TMPRSS4: variants seen among roughly 807,000 people sequenced by gnomAD.
TMPRSS4 encodes the protein transmembrane protease serine 4.
In TMPRSS4, 45 loss-of-function variants were observed where a neutral mutation model predicts 56.4. That is an observed-to-expected ratio of 0.80 (90% CI 0.63 to 1.02). TMPRSS4 has a LOEUF of 1.02. Among genes scored for constraint, TMPRSS4 ranks in the 50% least tolerant of loss-of-function variants. TMPRSS4 has a pLI of 0.00. For missense variants in TMPRSS4, 546 were observed against 556.7 expected, an observed-to-expected ratio of 0.98 and a Z score of 0.19; for synonymous variants, 205 against 211.0, an observed-to-expected ratio of 0.97 and a Z score of 0.25.
At chr11:118,092,469 G>A (rs1469439784) in intron 1 of TMPRSS4, among the ~76,000 whole-genome samples, 1 of 152,216 alleles carries the variant, frequency 6.6e-6, no homozygotes, top group East Asian at 1.9e-4. Context: ...CTGGGCGGGG[G>A]CCGCCAGATC....
chr11:118,095,052 T>C (rs1405957564), intron 2 of TMPRSS4, 197 bp downstream of exon 2: 1 of 623,410 alleles, frequency 1.6e-6, no homozygotes, highest in Admixed American at 2.7e-5. Flanking sequence ...GCCTGGACTC[T>C]GGGGAAACAG....
At position 118,119,120 on chromosome 11, in the gene TMPRSS4, A is replaced by T. The variant is rs10892220; in HGVS notation, c.*1207A>T. On this transcript the variant is annotated 3_prime_UTR_variant, in exon 13 of 13. Coordinates refer to ENST00000437212, the MANE Select transcript of TMPRSS4 (RefSeq NM_019894.4). ...GAAACAACAGAATTCCTCAAATGCC[A>T]AAAACAAAGAAAATAGAAACCCAGA... 0.58 allele frequency: 576,063 copies of T among 985,106 alleles called. 169,657 individuals are homozygous for T. Among genetic ancestry groups the T allele is most frequent in the South Asian group, 0.69 (14,624 of 21,278 alleles). 61.0% of individuals were successfully genotyped at this position (985,106 alleles called of 1,614,324 possible). A position where few individuals can be genotyped will look rare whatever the true frequency, so the allele number is the denominator to read the frequency against.
At chr11:118,101,816 A>G (rs1374207725) in intron 3 of TMPRSS4, among the ~76,000 whole-genome samples, 1 of 152,176 alleles carries the variant, frequency 6.6e-6, no homozygotes, top group Non-Finnish European at 1.5e-5. Context: ...TGAAGGATTA[A>G]ACACACTCAA....
intron 1 of TMPRSS4, among the ~76,000 whole-genome samples, chr11:118,087,291 G>A (rs1042033920): frequency 6.6e-6 from 1 of 152,204 alleles, no homozygotes; most frequent in Non-Finnish European, 1.5e-5. Context: ...GCATTGCAGA[G>A]AGGAAGAGAG....
At chr11:118,094,753 G>A (rs1315539456) in intron 1 of TMPRSS4, 63 bp from the exon 2 acceptor site, 12 of 1,498,060 alleles carry the variant, frequency 8.0e-6, no homozygotes, top group Admixed American at 3.7e-5. Context: ...AGAACCTCCC[G>A]TAGGCTGCTA....
At chr11:118,123,592 G>A (rs939969546), downstream of TMPRSS4, among the ~76,000 whole-genome samples, 4 of 151,972 alleles carry the variant, frequency 2.6e-5, no homozygotes, top group African/African-American at 4.8e-5. Context: ...GCACCATCTC[G>A]GCTCACTGCG....
At chr11:118,117,192 G>A (rs868838960) in intron 11 of TMPRSS4, 113 bp from the exon 12 acceptor site, 19 of 1,050,928 alleles carry the variant, frequency 1.8e-5, no homozygotes, top group Admixed American at 5.3e-5. Context: ...GTGGAATATC[G>A]GAGAGCAGCA....
At chr11:118,116,399 T>C (rs1947550057) in intron 11 of TMPRSS4, among the ~76,000 whole-genome samples, 1 of 152,180 alleles carries the variant, frequency 6.6e-6, no homozygotes, top group Non-Finnish European at 1.5e-5. Context: ...CTCACAGTGG[T>C]TGGGGGAAAG....
intron 11 of TMPRSS4, among the ~76,000 whole-genome samples, chr11:118,116,249 T>C (rs962369294): frequency 2.6e-5 from 4 of 152,134 alleles, no homozygotes; most frequent in African/African-American, 9.7e-5. Flanking sequence ...CCATCGTGCT[T>C]GGCCTGAACC....
chr11:118,099,926 G>C (rs1361642480), intron 3 of TMPRSS4, among the ~76,000 whole-genome samples: 2 of 152,146 alleles, frequency 1.3e-5, no homozygotes, highest in South Asian at 4.1e-4. Context: ...TCAACTGAAG[G>C]AGCAGGGATG....
rs778181374 is a variant in TMPRSS4 at position 118,113,297 on chromosome 11, G to A, written c.772G>A (p.Val258Met). ...ACATACCGATGTGTTCAACTGGAAGGTGCGGGCAGGCTCAGACAAACTGGG... is the reference window on the plus strand; with the variant it reads ...ACATACCGATGTGTTCAACTGGAAGATGCGGGCAGGCTCAGACAAACTGGG... ...RKHTDVFNWK[V>M]RAGSDKLGSF... is the part of the protein sequence containing the mutation. Residue 258 changes from valine to methionine, a missense_variant, in exon 9 of 13, where the codon GTG becomes ATG. Transcript: ENST00000437212. The A allele has an allele frequency of 2.0e-5, 32 of 1,613,988 alleles. No individual in the cohort carries two copies. Among genetic ancestry groups the A allele is most frequent in the Non-Finnish European group, 2.6e-5 (31 of 1,180,026 alleles).
intron 1 of TMPRSS4, among the ~76,000 whole-genome samples, chr11:118,081,535 C>T (rs1172923469): frequency 6.6e-6 from 1 of 152,224 alleles, no homozygotes; most frequent in Non-Finnish European, 1.5e-5. Flanking sequence ...CAGAAACTCT[C>T]GAAGGGTAGC....
At position 118,115,156 on chromosome 11, in the gene TMPRSS4, T is replaced by C; in HGVS notation, c.1028T>C (p.Leu343Pro). ...KQNGGKMSDILLQASVQVIDS... is the reference protein window; with the variant it reads ...KQNGGKMSDIPLQASVQVIDS... The stretch of plus-strand genomic sequence containing the variant: ...CTCCCAGGGAAGATGTCTGACATAC[T>C]GCTGCAGGCGTCAGTCCAGGTCATT... Residue 343 changes from leucine to proline, a missense_variant, in exon 11 of 13, where the codon CTG (leucine) becomes CCG (proline). By Grantham distance (98) the Leu-to-Pro change is moderately conservative. Transcript: ENST00000437212. 1 of 1,611,748 alleles carries C rather than the reference T, an allele frequency of 6.2e-7. No individual in the cohort carries two copies. The highest frequency in any genetic ancestry group is 8.5e-7 in the Non-Finnish European group (1 of 1,179,316).
intron 5 of TMPRSS4, 38 bp from the exon 6 acceptor site, chr11:118,107,736 C>T (rs755410155): frequency 1.7e-5 from 27 of 1,584,316 alleles, no homozygotes; most frequent in Non-Finnish European, 1.9e-5. Flanking sequence ...AACCCCCTGC[C>T]CCAGCTCACA....
intron 1 of TMPRSS4, among the ~76,000 whole-genome samples, chr11:118,078,013 CAAAAAAAAAAAAAAAAA>C (rs148383275): frequency 9.9e-5 from 7 of 71,050 alleles, no homozygotes; most frequent in African/African-American, 1.7e-4. Context: ...AACTCCGTCT[CAAAAAAAAAAAAAAAAA>C]AAAAAAAAAA....
At chr11:118,111,720 C>T (rs745551174) in intron 7 of TMPRSS4, 21 bp from the exon 8 acceptor site, 8 of 1,540,264 alleles carry the variant, frequency 5.2e-6, no homozygotes, top group Admixed American at 2.2e-5. Context: ...CTGCCTCCTC[C>T]CTGCCTCTGC....
chr11:118,117,353 G>GTGGGCATCGTTAGTTGGGGC lies in TMPRSS4; in HGVS notation c.1203_1222dup (p.Tyr408TrpfsTer177), dbSNP rs757755059. 1.2e-6 allele frequency: 2 copies of GTGGGCATCGTTAGTTGGGGC among 1,614,146 alleles called. No homozygotes were observed. The highest frequency in any genetic ancestry group is 4.5e-5 in the East Asian group (2 of 44,884). The stretch of plus-strand genomic sequence containing the variant: ...GTACCAATCTGACCAGTGGCATGTG[G>GTGGGCATCGTTAGTTGGGGC]TGGGCATCGTTAGTTGGGGCTATGG... On this transcript the variant is annotated frameshift_variant, in exon 12 of 13. Coordinates refer to ENST00000437212, the MANE Select transcript of TMPRSS4 (RefSeq NM_019894.4). LOFTEE classifies it high-confidence loss of function.
chr11:118,092,801 A>G (rs1278965230), intron 1 of TMPRSS4, among the ~76,000 whole-genome samples: 2 of 152,222 alleles, frequency 1.3e-5, no homozygotes, highest in African/African-American at 2.4e-5. Context: ...TGGAGTCGCT[A>G]AGTTAGATCT....
downstream of TMPRSS4, among the ~76,000 whole-genome samples, chr11:118,124,348 G>A (rs1490376545): frequency 6.6e-6 from 1 of 152,108 alleles, no homozygotes; most frequent in African/African-American, 2.4e-5. Context: ...TGGCGCCGCT[G>A]CACTCCAGCC....
Sources: gnomAD v4.1 joint callset for allele counts (sites outside exome capture counted in the v4.1 genomes callset) on GRCh38, gnomAD v4.1.1 for gene constraint, MANE v1.5 for transcripts, NCBI Gene and HGNC (gene_info 2026-07-23, HGNC 2026-07-21) for gene names.